The following ANO3 variants were observed in gnomAD, a reference collection of about 807,000 sequenced individuals.
ANO3 encodes anoctamin 3, also known as anoctamin-3.
A neutral mutation model predicts 144.8 loss-of-function variants in ANO3; 99 were observed. The ratio of observed to expected loss-of-function variants is 0.68; its 90% CI spans 0.58 to 0.81. The LOEUF is 0.81. Among genes scored for constraint, ANO3 ranks in the 30% least tolerant of loss-of-function variants. The probability of loss-of-function intolerance (pLI) is 0.00; values close to 1 mark genes in which losing one functional copy is unlikely to be tolerated. For synonymous variants in ANO3, 414 were observed against 392.6 expected, an observed-to-expected ratio of 1.05 and a Z score of -0.64; for missense variants, 905 against 1,202.2, an observed-to-expected ratio of 0.75 and a Z score of 3.66.
At chr11:26,415,804 A>AT (rs1565011652) in intron 1 of ANO3, among the ~76,000 whole-genome samples, 1 of 152,058 alleles carries the variant, frequency 6.6e-6, no homozygotes, top group Non-Finnish European at 1.5e-5. Context: ...AATGTGAATG[A>AT]TTTTGAAAGC....
chr11:26,273,043 A>G, intron 1 of ANO3, among the ~76,000 whole-genome samples: 1 of 152,120 alleles, frequency 6.6e-6, no homozygotes, highest in African/African-American at 2.4e-5. Context: ...TTAATGAAAT[A>G]CCTATAAATA....
chr11:26,201,551 T>C (rs1436198976), intron 1 of ANO3, among the ~76,000 whole-genome samples: 1 of 151,992 alleles, frequency 6.6e-6, no homozygotes, highest in Non-Finnish European at 1.5e-5. Context: ...GAGATAAACA[T>C]ATGAAGAGCT....
intron 1 of ANO3, among the ~76,000 whole-genome samples, chr11:26,246,943 T>G (rs1852811059): frequency 1.3e-5 from 2 of 152,174 alleles, no homozygotes; most frequent in South Asian, 4.1e-4. Context: ...TCTTTCTCCT[T>G]ATTTTTCTCA....
chr11:26,598,368 C>T lies in ANO3; in HGVS notation c.1451C>T (p.Thr484Ile). The change falls in exon 15 of 27, where the codon ACA becomes ATA. Residue 484 changes from threonine (T) to isoleucine (I), a missense_variant. Physicochemically the swap from Thr to Ile is moderately conservative, Grantham distance 89. Around this residue, in one of 4 missense-constraint regions of ANO3, gnomAD observed 597 missense variants for 865.1 expected, o/e 0.69. Coordinates refer to ENST00000256737, the MANE Select transcript of ANO3 (RefSeq NM_031418.4). ...FFAIFMAIWA[T>I]VFLEFWKRRR... ...TTATCATTTTTATATTTTATAGCCA[C>T]AGTCTTCCTGGAGTTTTGGAAAAGG... 1 of 1,520,486 alleles carries T rather than the reference C, an allele frequency of 6.6e-7. No individual in the cohort carries two copies. The allele number at this position is 1,520,486 out of a possible 1,614,324, so 94.2% of individuals were successfully genotyped here.
chr11:26,238,486 C>T (rs1852582803), intron 1 of ANO3, among the ~76,000 whole-genome samples: 1 of 151,948 alleles, frequency 6.6e-6, no homozygotes, highest in African/African-American at 2.4e-5. Flanking sequence ...CAGTTTACCC[C>T]AAAATATTTA....
At chr11:26,487,195 T>C (rs1590406743) in intron 4 of ANO3, among the ~76,000 whole-genome samples, 1 of 152,036 alleles carries the variant, frequency 6.6e-6, no homozygotes, top group Non-Finnish European at 1.5e-5. Context: ...CAAGGGGAGG[T>C]AATTGAATCA....
intron 1 of ANO3, among the ~76,000 whole-genome samples, chr11:26,316,804 C>A (rs1054356839): frequency 3.0e-4 from 45 of 152,128 alleles, no homozygotes; most frequent in Non-Finnish European, 2.9e-5. Context: ...TGATGTGAAA[C>A]CTCACTGACT....
chr11:26,495,685 G>A (rs1322812671), intron 4 of ANO3, among the ~76,000 whole-genome samples: 1 of 152,142 alleles, frequency 6.6e-6, no homozygotes, highest in Non-Finnish European at 1.5e-5. Flanking sequence ...TTAGAGGAAA[G>A]GAAAGGAGAA....
At chr11:26,331,762 T>G (rs1564968443), upstream of ANO3, 1 of 153,512 alleles carries the variant, frequency 6.5e-6, no homozygotes, top group Non-Finnish European at 1.4e-5. Flanking sequence ...TACTTAAATT[T>G]AAGAAAGAAA....
chr11:26,281,328 C>T (rs1853674359), intron 1 of ANO3, among the ~76,000 whole-genome samples: 2 of 151,990 alleles, frequency 1.3e-5, no homozygotes, highest in Non-Finnish European at 2.9e-5. Flanking sequence ...TAACCATTTC[C>T]TAATCATATT....
At chr11:26,308,975 C>G (rs998693732), upstream of ANO3, among the ~76,000 whole-genome samples, 1 of 152,150 alleles carries the variant, frequency 6.6e-6, no homozygotes, top group Non-Finnish European at 1.5e-5. Context: ...AGTTTTTAAT[C>G]TCCCTAAGTT....
At chr11:26,311,167 A>C (rs1276964878) in intron 1 of ANO3, among the ~76,000 whole-genome samples, 1 of 152,204 alleles carries the variant, frequency 6.6e-6, no homozygotes. Context: ...ATTCAAAGAA[A>C]TTGGTATTTA....
chr11:26,204,322 C>G (rs1851755176), intron 1 of ANO3, among the ~76,000 whole-genome samples: 2 of 152,152 alleles, frequency 1.3e-5, no homozygotes, highest in South Asian at 4.1e-4. Flanking sequence ...CACTTATCCC[C>G]CAGGACAACA....
At chr11:26,199,157 G>A (rs112783017) in intron 1 of ANO3, among the ~76,000 whole-genome samples, 6 of 151,298 alleles carry the variant, frequency 4.0e-5, no homozygotes, top group Non-Finnish European at 5.9e-5. Context: ...ATCTGTGCCC[G>A]CAGTCAAGCA....
In ANO3 at chr11:26,661,349, A is replaced by G. The variant is rs1258984547; in HGVS notation, c.*905A>G. On this transcript the variant is annotated 3_prime_UTR_variant, in exon 27 of 27. Coordinates refer to ENST00000256737, the MANE Select transcript of ANO3 (RefSeq NM_031418.4). ...ACGGAATATTAACTTGAAATGCTGT[A>G]AATACGTTGGTTTTCCTTGTCCCTT... 1 of 152,558 alleles carries G rather than the reference A, an allele frequency of 6.6e-6. No homozygotes were observed. The highest frequency in any genetic ancestry group is 1.5e-5 in the Non-Finnish European group (1 of 68,018). 9.5% of individuals were successfully genotyped at this position (152,558 alleles called of 1,614,324 possible).
chr11:26,201,560 C>T (rs1212689164), intron 1 of ANO3, among the ~76,000 whole-genome samples: 1 of 151,938 alleles, frequency 6.6e-6, no homozygotes, highest in Non-Finnish European at 1.5e-5. Context: ...ATATGAAGAG[C>T]TGACTGACTC....
chr11:26,549,295 A>G (rs533349580), intron 12 of ANO3, among the ~76,000 whole-genome samples: 1 of 151,946 alleles, frequency 6.6e-6, no homozygotes, highest in Non-Finnish European at 1.5e-5. Context: ...GTCACACTAT[A>G]ATTAAGATCC....
intron 1 of ANO3, among the ~76,000 whole-genome samples, chr11:26,436,966 T>C (rs1030717327): frequency 1.3e-5 from 2 of 151,870 alleles, no homozygotes; most frequent in African/African-American, 2.4e-5. Context: ...CTAATCACCT[T>C]GGATTCCCCA....
intron 4 of ANO3, 69 bp from the exon 5 acceptor site, chr11:26,508,034 GC>G: frequency 7.3e-7 from 1 of 1,369,258 alleles, no homozygotes; most frequent in Non-Finnish European, 9.9e-7. Context: ...TGTTCAAATG[GC>G]AGTAACTGTA....
Sources: allele counts gnomAD v4.1 joint callset (sites outside exome capture counted in the v4.1 genomes callset), GRCh38; gene constraint gnomAD v4.1.1; regional missense constraint gnomAD v4.1.1; transcripts MANE v1.5; gene names NCBI Gene and HGNC (gene_info 2026-07-23, HGNC 2026-07-21).